DGKB: variants seen among roughly 807,000 people sequenced by gnomAD.
DGKB encodes 90 kDa diacylglycerol kinase.
Under a neutral mutation model 114.3 loss-of-function variants are expected in DGKB, and 67 were observed. That is an observed-to-expected ratio of 0.59 (90% CI 0.48 to 0.72). The LOEUF is 0.72. Ranked by LOEUF, DGKB falls within the 30% of genes least tolerant of loss-of-function variation. The pLI, the probability that DGKB is intolerant of heterozygous loss-of-function variation, is 0.00. For synonymous variants in DGKB, 398 were observed against 323.1 expected (o/e 1.23, Z -2.49); for missense variants, 907 against 975.2 (o/e 0.93, Z 0.93).
chr7:14,861,491 A>G (rs1293981555), intron 1 of DGKB, among the ~76,000 whole-genome samples: 1 of 152,006 alleles, frequency 6.6e-6, no homozygotes, highest in African/African-American at 2.4e-5. Flanking sequence ...TAGGAAATGT[A>G]TAGGATTATA....
intron 23 of DGKB, among the ~76,000 whole-genome samples, chr7:14,319,658 C>A (rs896278340): frequency 6.6e-6 from 1 of 152,050 alleles, no homozygotes; most frequent in Non-Finnish European, 1.5e-5. Context: ...GCTAGATGAG[C>A]AATAAATGAT....
intron 25 of DGKB, among the ~76,000 whole-genome samples, chr7:14,155,222 A>G (rs969611272): frequency 2.0e-5 from 3 of 152,148 alleles, no homozygotes; most frequent in Admixed American, 2.0e-4. Flanking sequence ...CCCAAAACAC[A>G]TGAAAACAAA....
rs1831557681 is a variant in DGKB, at chr7:14,451,827, C to G, written c.1835+26334G>C. Among the ~76,000 whole-genome samples the G allele has an allele frequency of 1.3e-5, 2 of 152,034 alleles. 1 individual carries two copies. The highest frequency in any genetic ancestry group is 4.2e-4 in the South Asian group (2 of 4,818). On this transcript the variant is annotated intron_variant, in intron 21 of 25. Coordinates refer to ENST00000402815, the MANE Select transcript of DGKB (RefSeq NM_001350709.2). The stretch of plus-strand genomic sequence containing the variant: ...TATTTACTTAATCAGTGAGATGCCC[C>G]AAACTCTTACTTCACCAGTAAGAGT...
At chr7:14,490,318 T>C (rs1009612962) in intron 20 of DGKB, among the ~76,000 whole-genome samples, 4 of 152,188 alleles carry the variant, frequency 2.6e-5, no homozygotes, top group African/African-American at 9.7e-5. Context: ...ATAAGAATAA[T>C]TTCCAAAATA....
intron 5 of DGKB, among the ~76,000 whole-genome samples, chr7:14,727,045 C>T (rs1417401503): frequency 1.3e-5 from 2 of 152,104 alleles, no homozygotes; most frequent in Non-Finnish European, 2.9e-5. Context: ...TATTAAATCT[C>T]TTATTTCCTT....
intron 21 of DGKB, among the ~76,000 whole-genome samples, chr7:14,411,510 A>C: frequency 6.6e-6 from 1 of 152,294 alleles, no homozygotes; most frequent in Non-Finnish European, 1.5e-5. Context: ...ATTATTTAAC[A>C]AGTCTTATGG....
chr7:14,563,113 C>A (rs942941871), intron 20 of DGKB, among the ~76,000 whole-genome samples: 1 of 152,154 alleles, frequency 6.6e-6, no homozygotes, highest in Non-Finnish European at 1.5e-5. Flanking sequence ...CTGCTGTACA[C>A]GCTCTCTTGC....
At chr7:14,654,859 A>C (rs1219350796) in intron 13 of DGKB, among the ~76,000 whole-genome samples, 1 of 151,968 alleles carries the variant, frequency 6.6e-6, no homozygotes, top group Non-Finnish European at 1.5e-5. Flanking sequence ...CCCATCTTTC[A>C]CCAGAACCAA....
intron 25 of DGKB, among the ~76,000 whole-genome samples, chr7:14,170,936 C>G (rs1002998000): frequency 6.6e-6 from 1 of 152,062 alleles, no homozygotes; most frequent in Non-Finnish European, 1.5e-5. Context: ...GGGAGGGGAA[C>G]TGGCAGTCAA....
At chr7:14,209,992 G>C (rs962562860) in intron 23 of DGKB, among the ~76,000 whole-genome samples, 7 of 151,846 alleles carry the variant, frequency 4.6e-5, no homozygotes. Context: ...TTGGATTACA[G>C]TATTTATGTG....
At chr7:14,653,011 G>T (rs1263467107) in intron 13 of DGKB, among the ~76,000 whole-genome samples, 2 of 151,648 alleles carry the variant, frequency 1.3e-5, no homozygotes, top group African/African-American at 4.9e-5. Flanking sequence ...AACAACAGGT[G>T]CTGGAGTGGA....
intron 21 of DGKB, among the ~76,000 whole-genome samples, chr7:14,348,496 GAA>G (rs888462298): frequency 6.7e-6 from 1 of 148,864 alleles, no homozygotes; most frequent in Non-Finnish European, 1.5e-5. Context: ...TATACAGATG[GAA>G]AAAAAAATGT....
At chr7:14,176,751 A>G in intron 25 of DGKB, 88 bp downstream of exon 25, 1 of 1,557,720 alleles carries the variant, frequency 6.4e-7, no homozygotes, top group South Asian at 1.2e-5. Flanking sequence ...GAAAAGAAAT[A>G]AAGAAAAAAA....
intron 23 of DGKB, among the ~76,000 whole-genome samples, chr7:14,304,087 A>ACACACACACACACGCTCTCT (rs140836395): frequency 9.1e-6 from 1 of 110,072 alleles, no homozygotes; most frequent in Non-Finnish European, 1.8e-5. Context: ...ACACACACAC[A>ACACACACACACACGCTCTCT]CTCTCTCTCT....
intron 2 of DGKB, among the ~76,000 whole-genome samples, chr7:14,819,674 T>TA (rs1196426860): frequency 2.6e-5 from 4 of 152,166 alleles, no homozygotes; most frequent in African/African-American, 4.8e-5. Flanking sequence ...ACCCACATTT[T>TA]ACGAATGAAA....
intron 1 of DGKB, among the ~76,000 whole-genome samples, chr7:14,914,927 A>G (rs977949589): frequency 6.6e-5 from 10 of 152,160 alleles, no homozygotes; most frequent in Non-Finnish European, 1.5e-4. Flanking sequence ...AACTGAGGAG[A>G]GAATCAATGA....
At chr7:14,645,914 T>G (rs1812898433) in intron 13 of DGKB, among the ~76,000 whole-genome samples, 1 of 152,140 alleles carries the variant, frequency 6.6e-6, no homozygotes, top group South Asian at 2.1e-4. Context: ...AAATGTTATT[T>G]CTACAGAAAA....
intron 20 of DGKB, among the ~76,000 whole-genome samples, chr7:14,511,737 T>C (rs1167143372): frequency 2.6e-5 from 4 of 152,198 alleles, no homozygotes; most frequent in Non-Finnish European, 4.4e-5. Context: ...TAGCTTTTGA[T>C]AGAAAGTGAC....
intron 21 of DGKB, among the ~76,000 whole-genome samples, chr7:14,427,100 T>C (rs1053333968): frequency 6.7e-6 from 1 of 149,398 alleles, no homozygotes; most frequent in African/African-American, 2.5e-5. Context: ...TGTCAGGGAG[T>C]GGGGGGTGGG....
Sources: gnomAD v4.1 joint callset for allele counts (sites outside exome capture counted in the v4.1 genomes callset) on GRCh38, gnomAD v4.1.1 for gene constraint, MANE v1.5 for transcripts, NCBI Gene and HGNC (gene_info 2026-07-23, HGNC 2026-07-21) for gene names.